The following HTR2C variants were observed in gnomAD, a reference collection of about 807,000 sequenced individuals.
HTR2C encodes 5-hydroxytryptamine (serotonin) receptor 2C, G protein-coupled.
Under a neutral mutation model 21.0 loss-of-function variants are expected in HTR2C, and 5 were observed. The observed-to-expected ratio is 0.24, with a 90% CI of 0.12 to 0.50. The LOEUF (loss-of-function observed/expected upper bound fraction) is 0.50. HTR2C is among the 20% of genes least tolerant of loss of function. HTR2C has a pLI of 0.98. For synonymous variants in HTR2C, 150 were observed against 145.3 expected, an observed-to-expected ratio of 1.03 and a Z score of -0.23; for missense variants, 271 against 371.2, an observed-to-expected ratio of 0.73 and a Z score of 2.22.
chrX:114,631,983 C>T (rs1445778461), intron 2 of HTR2C, among the ~76,000 whole-genome samples: 1 of 112,045 alleles, frequency 8.9e-6, no homozygotes, highest in Non-Finnish European at 1.9e-5. Flanking sequence ...GTACTTACTG[C>T]AGCACCTATC....
intron 5 of HTR2C, among the ~76,000 whole-genome samples, chrX:114,870,648 G>A (rs1382722556): frequency 9.1e-6 from 1 of 110,408 alleles, no homozygotes. Flanking sequence ...GTTCAATCTT[G>A]GTAGGTTGCA....
intron 4 of HTR2C, among the ~76,000 whole-genome samples, chrX:114,790,417 G>A (rs960351813): frequency 1.8e-5 from 2 of 111,617 alleles, no homozygotes; most frequent in Non-Finnish European, 3.8e-5. Context: ...AGGAAATAAA[G>A]TTTAAAAATA....
chrX:114,820,253 T>G (rs927341612), intron 4 of HTR2C, among the ~76,000 whole-genome samples: 9 of 109,537 alleles, frequency 8.2e-5, no homozygotes, highest in African/African-American at 3.0e-4. Context: ...AAATAAATAT[T>G]ATGGGGTACA....
intron 2 of HTR2C, among the ~76,000 whole-genome samples, chrX:114,617,543 T>G (rs782761370): frequency 2.7e-5 from 3 of 112,553 alleles, no homozygotes; most frequent in Non-Finnish European, 5.6e-5. Flanking sequence ...ACTTTGCAGT[T>G]TGTTGTAGTT....
chrX:114,819,786 T>A (rs781909299), intron 4 of HTR2C, among the ~76,000 whole-genome samples: 1 of 112,333 alleles, frequency 8.9e-6, no homozygotes, highest in African/African-American at 3.2e-5. Flanking sequence ...CTGGTGGAAC[T>A]GAAAATTGTT....
In HTR2C at chrX:114,809,674, G is replaced by T. The variant is rs371279372; in HGVS notation, c.350-38329G>T. On this transcript the variant is annotated intron_variant, in intron 4 of 5. Transcript: ENST00000276198. Reference sequence around the variant, plus strand: ...AGTGCCTTTTCATTCAGGCCAGTGGGCTCCACTCTGGCTCAAGGAAGGTCC... The same window carrying T: ...AGTGCCTTTTCATTCAGGCCAGTGGTCTCCACTCTGGCTCAAGGAAGGTCC... 7.2e-5 allele frequency among the ~76,000 whole-genome samples: 8 copies of T among 110,814 alleles called. No individual in the cohort carries two copies. The East Asian group carries it at 1.1e-3, about 16-fold the overall frequency.
intron 1 of HTR2C, among the ~76,000 whole-genome samples, chrX:114,604,014 A>G (rs781863165): frequency 9.4e-6 from 1 of 105,916 alleles, no homozygotes; most frequent in South Asian, 4.5e-4. Context: ...ACAGGCTTTA[A>G]TCTTTTTAAG....
chrX:114,835,893 G>A (rs2147476482), intron 4 of HTR2C, among the ~76,000 whole-genome samples: 2 of 109,783 alleles, frequency 1.8e-5, no homozygotes, highest in South Asian at 8.0e-4. Flanking sequence ...TGGTGTGGAT[G>A]TCCTTTCTGT....
chrX:114,889,445 C>T (rs1276394998), intron 5 of HTR2C, among the ~76,000 whole-genome samples: 5 of 111,744 alleles, frequency 4.5e-5, no homozygotes, highest in African/African-American at 1.3e-4. Context: ...CTAAGCAATC[C>T]GACTGTTTGG....
intron 2 of HTR2C, among the ~76,000 whole-genome samples, chrX:114,677,486 C>T (rs1931600584): frequency 1.8e-5 from 2 of 110,235 alleles, no homozygotes. Flanking sequence ...AATGTTCAAC[C>T]CTATAAAATG....
intron 2 of HTR2C, among the ~76,000 whole-genome samples, chrX:114,710,530 T>C (rs1405737370): frequency 1.8e-5 from 2 of 112,175 alleles, no homozygotes; most frequent in Non-Finnish European, 3.8e-5. Flanking sequence ...AACATCTCAT[T>C]TTATCTTTTA....
Position 114,848,252 on chromosome X carries a change from C to A in HTR2C, c.550+49C>A, listed in dbSNP as rs782663911. 4 of 942,373 alleles carry A rather than the reference C, an allele frequency of 4.2e-6. No individual in the cohort carries two copies. In the East Asian group the frequency reaches 9.4e-5, roughly 22 times the overall value. 77.7% of individuals were successfully genotyped at this position (942,373 alleles called of 1,213,427 possible). Reference sequence around the variant, plus strand: ...AGAATTGCAGCGGCTATGCTCAATACTTTCGGATTATGTACTGTGAACAAC... The same window carrying A: ...AGAATTGCAGCGGCTATGCTCAATAATTTCGGATTATGTACTGTGAACAAC... On this transcript the variant is annotated intron_variant, in intron 5 of 5. Coordinates refer to ENST00000276198, the MANE Select transcript of HTR2C (RefSeq NM_000868.4).
intron 2 of HTR2C, among the ~76,000 whole-genome samples, chrX:114,633,043 T>C (rs1929694229): frequency 1.8e-5 from 2 of 111,180 alleles, no homozygotes; most frequent in African/African-American, 6.5e-5. Flanking sequence ...TCTTTTAAAT[T>C]GATTTTTAAA....
chrX:114,895,728 C>T lies in HTR2C; in HGVS notation c.551-10861C>T, dbSNP rs7063793. Among the ~76,000 whole-genome samples the T allele has an allele frequency of 9.5e-3, 1,062 of 111,717 alleles. 15 individuals are homozygous for T. The highest frequency in any genetic ancestry group is 0.033 in the African/African-American group (1,002 of 30,764). ...CCAGGCTGGGTGTGGTGGCTCACGCCTGTAATCCCAGCACTTTGGGAGGCT... is the reference window on the plus strand; with the variant it reads ...CCAGGCTGGGTGTGGTGGCTCACGCTTGTAATCCCAGCACTTTGGGAGGCT... On this transcript the variant is annotated intron_variant, in intron 5 of 5. Transcript: ENST00000276198.
intron 4 of HTR2C, among the ~76,000 whole-genome samples, chrX:114,840,965 T>A (rs1390189422): frequency 9.0e-6 from 1 of 111,642 alleles, no homozygotes; most frequent in Non-Finnish European, 1.9e-5. Context: ...AGGGGTTTGA[T>A]CGCTGCTTCA....
At chrX:114,860,806 C>A (rs1300268943) in intron 5 of HTR2C, among the ~76,000 whole-genome samples, 1 of 110,774 alleles carries the variant, frequency 9.0e-6, no homozygotes, top group Non-Finnish European at 1.9e-5. Flanking sequence ...TCCTCATGCC[C>A]ACTTGTAATA....
intron 5 of HTR2C, among the ~76,000 whole-genome samples, chrX:114,904,080 T>C (rs2071355450): frequency 8.9e-6 from 1 of 112,264 alleles, no homozygotes; most frequent in Admixed American, 9.4e-5. Context: ...AATGTTTTTT[T>C]GCTCTGGAAG....
At chrX:114,661,534 C>T (rs1269811429) in intron 2 of HTR2C, among the ~76,000 whole-genome samples, 5 of 110,212 alleles carry the variant, frequency 4.5e-5, no homozygotes, top group Non-Finnish European at 9.5e-5. Context: ...TGACACCTGG[C>T]TAATTTTCGT....
chrX:114,828,029 A>T (rs1384523810), intron 4 of HTR2C, among the ~76,000 whole-genome samples: 2 of 110,730 alleles, frequency 1.8e-5, no homozygotes, highest in Non-Finnish European at 3.8e-5. Context: ...TTCTTCAAAT[A>T]GTATTTCTTC....
Sources: allele counts gnomAD v4.1 joint callset (sites outside exome capture counted in the v4.1 genomes callset), GRCh38; gene constraint gnomAD v4.1.1; transcripts MANE v1.5; gene names NCBI Gene and HGNC (gene_info 2026-07-23, HGNC 2026-07-21).